The following OR3A2 variants were observed in gnomAD, a reference collection of about 807,000 sequenced individuals.
OR3A2 encodes olfactory receptor family 3 subfamily A member 2.
For synonymous variants in OR3A2, 126 were observed against 159.3 expected, an observed-to-expected ratio of 0.79 and a Z score of 1.57; for missense variants, 318 against 392.8, an observed-to-expected ratio of 0.81 and a Z score of 1.61.
At chr17:3,346,701 G>C (rs374615354) in intron 2 of OR3A2, among the ~76,000 whole-genome samples, 35 of 150,632 alleles carry the variant, frequency 2.3e-4, no homozygotes, top group African/African-American at 8.3e-4. Flanking sequence ...GCCCCCAACT[G>C]TCCTTCCCAG....
At chr17:3,350,238 C>G (rs144074303) in intron 2 of OR3A2, among the ~76,000 whole-genome samples, 1 of 152,146 alleles carries the variant, frequency 6.6e-6, no homozygotes, top group African/African-American at 2.4e-5. Context: ...ATTAACGAAT[C>G]CAGGAGCAGG....
chr17:3,310,101 AC>A (rs2049028909), intron 3 of OR3A2: 2 of 324,238 alleles, frequency 6.2e-6, no homozygotes, highest in South Asian at 2.7e-5. Context: ...CACTCTTGTT[AC>A]CCATTAAGAG....
intron 2 of OR3A2, among the ~76,000 whole-genome samples, chr17:3,375,236 T>C (rs1248680289): frequency 4.1e-5 from 3 of 72,464 alleles, no homozygotes; most frequent in Non-Finnish European, 7.0e-5. Flanking sequence ...TTTTCTTTTT[T>C]TTTTTTTTTC....
At chr17:3,346,644 T>C (rs1381949260) in intron 2 of OR3A2, among the ~76,000 whole-genome samples, 6 of 152,008 alleles carry the variant, frequency 3.9e-5, no homozygotes, top group Admixed American at 3.9e-4. Flanking sequence ...ACTCTTTCCA[T>C]GGTTTTTTTT....
chr17:3,293,127 T>C (rs1266572466), intron 3 of OR3A2, among the ~76,000 whole-genome samples: 2 of 146,882 alleles, frequency 1.4e-5, no homozygotes. Context: ...CATGACTGTA[T>C]AAGAGTTAAA....
rs201767868 is a variant in OR3A2, at chr17:3,278,395, T to C, written c.523A>G (p.Asn175Asp). 4 of 1,614,140 alleles carry C rather than the reference T, an allele frequency of 2.5e-6. No homozygotes were observed. Among genetic ancestry groups the C allele is most frequent in the Non-Finnish European group, 2.5e-6 (3 of 1,180,024 alleles). ...TCACAGTAGAAGTGATTGACCTCAT[T>C]GGGGCCACAGAAGTTGAGCGTGGAC... is the stretch of plus-strand genomic sequence containing the variant. The change falls in exon 2 of 2, where the codon AAT becomes GAT. Residue 175 changes from asparagine (N) to aspartate (D), a missense_variant. Coordinates refer to ENST00000642052, the Ensembl canonical transcript of OR3A2.
chr17:3,348,528 TG>T (rs2049390096), intron 2 of OR3A2, among the ~76,000 whole-genome samples: 1 of 152,122 alleles, frequency 6.6e-6, no homozygotes, highest in African/African-American at 2.4e-5. Flanking sequence ...TATGGGACTA[TG>T]TGAAAAGACA....
At chr17:3,385,902 T>A (rs2049773117) in intron 1 of OR3A2, 2 of 398,584 alleles carry the variant, frequency 5.0e-6, no homozygotes, top group Non-Finnish European at 8.8e-6. Context: ...CTCCCTCCCC[T>A]CGGCATTCCC....
chr17:3,318,255 C>A (rs1176275938), intron 3 of OR3A2, among the ~76,000 whole-genome samples: 1 of 152,186 alleles, frequency 6.6e-6, no homozygotes, highest in African/African-American at 2.4e-5. Context: ...TTCTGTGTCT[C>A]TGCTAATAAG....
Position 3,311,496 on chromosome 17 carries a change from C to T in OR3A2, c.-85+24537G>A. ...ACACAGTGGCTGTGTCTGCGCTTGACTTCTGTGGCCCTAATGTGGTCAACC... is the reference window on the plus strand; with the variant it reads ...ACACAGTGGCTGTGTCTGCGCTTGATTTCTGTGGCCCTAATGTGGTCAACC... On this transcript the variant is annotated intron_variant, in intron 3 of 4. Transcript: ENST00000573491. This position sits in a 1 kb window ranked among gnomAD's most constrained non-coding sequence, Gnocchi z 4.6. 2.3e-6 allele frequency: 1 copy of T among 436,252 alleles called. No individual in the cohort carries two copies. Among genetic ancestry groups the T allele is most frequent in the Non-Finnish European group, 4.7e-6 (1 of 214,328 alleles). The allele number at this position is 436,252 out of a possible 1,614,324, so 27.0% of individuals were successfully genotyped here.
At chr17:3,343,752 T>C (rs569717412) in intron 2 of OR3A2, among the ~76,000 whole-genome samples, 28 of 152,276 alleles carry the variant, frequency 1.8e-4, no homozygotes, top group African/African-American at 6.5e-4. Context: ...CTTAGTGTCA[T>C]ATCAACCTAC....
chr17:3,313,824 C>T (rs760277250), intron 3 of OR3A2, among the ~76,000 whole-genome samples: 3 of 152,152 alleles, frequency 2.0e-5, no homozygotes, highest in Admixed American at 2.0e-4. Flanking sequence ...TTATGTCTTC[C>T]AAACACACAA....
intron 2 of OR3A2, among the ~76,000 whole-genome samples, chr17:3,346,811 G>T (rs1454660766): frequency 6.6e-6 from 1 of 151,936 alleles, no homozygotes; most frequent in African/African-American, 2.4e-5. Flanking sequence ...CCTGTGCCTG[G>T]CTTATTCACT....
At chr17:3,319,634 T>G (rs559495941) in intron 3 of OR3A2, among the ~76,000 whole-genome samples, 3 of 152,338 alleles carry the variant, frequency 2.0e-5, no homozygotes, top group African/African-American at 7.2e-5. Flanking sequence ...TGTTCGGTTT[T>G]CTGTTCATGT....
intron 2 of OR3A2, among the ~76,000 whole-genome samples, chr17:3,351,775 T>C (rs2049422092): frequency 2.0e-5 from 3 of 152,020 alleles, no homozygotes. Context: ...CTACCTGACT[T>C]CCAACTATAC....
At chr17:3,310,979 T>C (rs556619466) in intron 3 of OR3A2, 1 of 556,492 alleles carries the variant, frequency 1.8e-6, no homozygotes, top group Admixed American at 1.9e-5. Flanking sequence ...CCTATGCCCA[T>C]GTGGCAGCTG....
intron 3 of OR3A2, among the ~76,000 whole-genome samples, chr17:3,303,932 T>C (rs898563245): frequency 8.3e-5 from 10 of 121,040 alleles, no homozygotes; most frequent in Non-Finnish European, 1.8e-4. Context: ...TAAATATATA[T>C]ATTATATATA....
chr17:3,381,060 G>C (rs58826790), intron 2 of OR3A2, among the ~76,000 whole-genome samples: 1 of 151,992 alleles, frequency 6.6e-6, no homozygotes, highest in African/African-American at 2.4e-5. Flanking sequence ...TCTAGTGCAC[G>C]GATCTCTGTA....
At chr17:3,381,551 C>T (rs796831288) in intron 2 of OR3A2, among the ~76,000 whole-genome samples, 7 of 152,022 alleles carry the variant, frequency 4.6e-5, no homozygotes, top group African/African-American at 1.4e-4. Context: ...CGCCTGAAGT[C>T]GTCAGGAGAT....
Sources: gnomAD v4.1 joint callset for allele counts (sites outside exome capture counted in the v4.1 genomes callset) on GRCh38, gnomAD v4.1.1 for gene constraint, Gnocchi (gnomAD v3.1) non-coding constraint, MANE v1.5 for transcripts, NCBI Gene and HGNC (gene_info 2026-07-23, HGNC 2026-07-21) for gene names.